The following XYLT1 variants were observed in gnomAD, a reference collection of about 807,000 sequenced individuals.
XYLT1 encodes beta-D-xylosyltransferase 1.
A neutral mutation model predicts 91.3 loss-of-function variants in XYLT1; 36 were observed. That is an observed-to-expected ratio of 0.39 (90% CI 0.30 to 0.52). The LOEUF (loss-of-function observed/expected upper bound fraction) is 0.52. XYLT1 is among the 20% of genes least tolerant of loss of function. The pLI is 0.68. For missense variants in XYLT1, 1,242 were observed against 1,284.5 expected (o/e 0.97, Z 0.51); for synonymous variants, 588 against 532.0 (o/e 1.11, Z -1.45).
In XYLT1 at chr16:17,102,011, G is replaced by A. The variant is rs141620228; in HGVS notation, c.*6684C>T. On this transcript the variant is annotated 3_prime_UTR_variant, in exon 12 of 12. Transcript: ENST00000261381. ...TCTTGTTATTCTCTACTCAGTACGGGTTTAAAAATCATATACTTCTGCCTC... is the reference window on the plus strand; with the variant it reads ...TCTTGTTATTCTCTACTCAGTACGGATTTAAAAATCATATACTTCTGCCTC... 35 of 152,302 alleles carry A rather than the reference G, an allele frequency of 2.3e-4. No homozygotes were observed. Among genetic ancestry groups the A allele is most frequent in the African/African-American group, 7.7e-4 (32 of 41,568 alleles). 9.4% of individuals were successfully genotyped at this position (152,302 alleles called of 1,614,324 possible).
At chr16:17,346,225 C>T (rs571720393) in intron 2 of XYLT1, among the ~76,000 whole-genome samples, 1 of 152,288 alleles carries the variant, frequency 6.6e-6, no homozygotes, top group African/African-American at 2.4e-5. Context: ...ATGACCTGCC[C>T]CCACGAGGCC....
At chr16:17,145,048 A>C (rs748742191) in intron 6 of XYLT1, among the ~76,000 whole-genome samples, 1 of 152,248 alleles carries the variant, frequency 6.6e-6, no homozygotes, top group Admixed American at 6.5e-5. Flanking sequence ...CTAGCCCCTG[A>C]TAACCATCAG....
chr16:17,336,079 A>G (rs1346857834), intron 2 of XYLT1, among the ~76,000 whole-genome samples: 3 of 152,226 alleles, frequency 2.0e-5, no homozygotes, highest in African/African-American at 7.2e-5. Context: ...AAGGTGTCCC[A>G]GGTGTGTGCA....
chr16:17,341,479 A>C (rs2035062835), intron 2 of XYLT1, among the ~76,000 whole-genome samples: 1 of 152,216 alleles, frequency 6.6e-6, no homozygotes, highest in Admixed American at 6.5e-5. Context: ...ATGTCATAAA[A>C]TATGATGTTC....
At chr16:17,370,007 T>C (rs905443956) in intron 1 of XYLT1, among the ~76,000 whole-genome samples, 23 of 152,196 alleles carry the variant, frequency 1.5e-4, no homozygotes, top group African/African-American at 5.3e-4. Context: ...GAAGAAAGTA[T>C]GGCCTGGGAT....
chr16:17,346,229 C>T (rs538858414), intron 2 of XYLT1, among the ~76,000 whole-genome samples: 5 of 152,172 alleles, frequency 3.3e-5, no homozygotes, highest in African/African-American at 7.2e-5. Flanking sequence ...CCTGCCCCCA[C>T]GAGGCCCGTT....
intron 1 of XYLT1, among the ~76,000 whole-genome samples, chr16:17,443,513 C>T (rs759997786): frequency 6.6e-6 from 1 of 152,188 alleles, no homozygotes; most frequent in African/African-American, 2.4e-5. Flanking sequence ...TGCCTGCCTT[C>T]CTCTTTGCCT....
At chr16:17,118,434 G>T (rs910930969) in intron 10 of XYLT1, among the ~76,000 whole-genome samples, 3 of 152,146 alleles carry the variant, frequency 2.0e-5, no homozygotes, top group African/African-American at 7.2e-5. Context: ...TTCTGAACAA[G>T]AATAGAGATC....
At chr16:17,359,733 G>T (rs1225163448) in intron 1 of XYLT1, among the ~76,000 whole-genome samples, 5 of 152,194 alleles carry the variant, frequency 3.3e-5, no homozygotes, top group African/African-American at 1.2e-4. Flanking sequence ...GGGAAGTCAT[G>T]AAGGAGCTGT....
At chr16:17,183,259 TAAACATTA>T (rs1359812082) in intron 5 of XYLT1, among the ~76,000 whole-genome samples, 1 of 152,180 alleles carries the variant, frequency 6.6e-6, no homozygotes, top group Non-Finnish European at 1.5e-5. Context: ...GGCAGTTGGC[TAAACATTA>T]GGTCACTCTG....
chr16:17,427,113 T>C (rs2036328606), intron 1 of XYLT1, among the ~76,000 whole-genome samples: 1 of 152,150 alleles, frequency 6.6e-6, no homozygotes, highest in South Asian at 2.1e-4. Context: ...CTGCTAACAC[T>C]CATGAATAAT....
chr16:17,391,435 G>A (rs191541364), intron 1 of XYLT1, among the ~76,000 whole-genome samples: 2 of 152,246 alleles, frequency 1.3e-5, no homozygotes, highest in East Asian at 3.9e-4. Flanking sequence ...CAGAGAGACT[G>A]ATTTGAATCA....
chr16:17,421,024 ATCGGCT>A (rs751592582), intron 1 of XYLT1, among the ~76,000 whole-genome samples: 1 of 152,298 alleles, frequency 6.6e-6, no homozygotes, highest in Non-Finnish European at 1.5e-5. Context: ...ATGTATTAAT[ATCGGCT>A]TCCCTTCTGC....
chr16:17,181,761 T>C (rs2032075787), intron 5 of XYLT1, among the ~76,000 whole-genome samples: 1 of 152,152 alleles, frequency 6.6e-6, no homozygotes, highest in Admixed American at 6.5e-5. Flanking sequence ...TGCACTTCTT[T>C]TTTTTTTAAT....
chr16:17,144,617 G>A (rs2031084633), intron 6 of XYLT1, among the ~76,000 whole-genome samples: 1 of 152,186 alleles, frequency 6.6e-6, no homozygotes, highest in East Asian at 1.9e-4. Flanking sequence ...GAGCAGACCA[G>A]TTTGGCTTAA....
chr16:17,390,757 C>T (rs1228898205), intron 1 of XYLT1, among the ~76,000 whole-genome samples: 1 of 152,150 alleles, frequency 6.6e-6, no homozygotes, highest in Non-Finnish European at 1.5e-5. Context: ...GAGCCTTGGC[C>T]AGGGGCAGTG....
At chr16:17,358,978 T>C (rs961048190) in intron 1 of XYLT1, among the ~76,000 whole-genome samples, 1 of 152,132 alleles carries the variant, frequency 6.6e-6, no homozygotes, top group Admixed American at 6.5e-5. Context: ...TTGGTGGTAC[T>C]GTCTCGGGTC....
intron 5 of XYLT1, among the ~76,000 whole-genome samples, chr16:17,166,189 G>C (rs1001184898): frequency 2.6e-5 from 4 of 152,208 alleles, no homozygotes; most frequent in Non-Finnish European, 5.9e-5. Flanking sequence ...CAAGCAACGG[G>C]GTCAGGGCAG....
intron 3 of XYLT1, among the ~76,000 whole-genome samples, chr16:17,245,941 C>T (rs1289949760): frequency 3.9e-5 from 6 of 152,194 alleles, no homozygotes; most frequent in Non-Finnish European, 7.3e-5. Flanking sequence ...TTGGCGCCCC[C>T]GCCTCCAAAA....
Sources: gnomAD v4.1 joint callset for allele counts (sites outside exome capture counted in the v4.1 genomes callset) on GRCh38, gnomAD v4.1.1 for gene constraint, MANE v1.5 for transcripts, NCBI Gene and HGNC (gene_info 2026-07-23, HGNC 2026-07-21) for gene names.